Variants in PIK3CA observed in about 807,000 individuals in gnomAD.
The protein encoded by PIK3CA is phosphatidylinositol 4,5-bisphosphate 3-kinase catalytic subunit alpha isoform.
In PIK3CA, 27 loss-of-function variants were observed where a neutral mutation model predicts 138.2. The observed-to-expected ratio is 0.20, with a 90% CI of 0.14 to 0.27. PIK3CA has a LOEUF of 0.27. Among genes scored for constraint, PIK3CA ranks in the 10% least tolerant of loss-of-function variants. The pLI, the probability that PIK3CA is intolerant of heterozygous loss-of-function variation, is 1.00. For missense variants in PIK3CA, 544 were observed against 1,277.4 expected (o/e 0.43, Z 8.75); for synonymous variants, 358 against 413.2 (o/e 0.87, Z 1.62).
At chr3:179,164,067 ATGTT>A (rs1276540995) in intron 1 of PIK3CA, among the ~76,000 whole-genome samples, 1 of 152,228 alleles carries the variant, frequency 6.6e-6, no homozygotes, top group African/African-American at 2.4e-5. Context: ...GTCATAGAAA[ATGTT>A]TATGAAGAGT....
chr3:179,150,442 G>A (rs1476926926), intron 1 of PIK3CA, among the ~76,000 whole-genome samples: 6 of 152,158 alleles, frequency 3.9e-5, no homozygotes, highest in African/African-American at 4.8e-5. Flanking sequence ...ATTCCTGTCA[G>A]TTTTAAATAA....
In PIK3CA at chr3:179,230,429, G is replaced by C; in HGVS notation, c.2936+53G>C. 1 of 1,411,296 alleles carries C rather than the reference G, an allele frequency of 7.1e-7. No individual in the cohort carries two copies. Among genetic ancestry groups the C allele is most frequent in the Non-Finnish European group, 9.7e-7 (1 of 1,031,286 alleles). 87.4% of individuals were successfully genotyped at this position (1,411,296 alleles called of 1,614,324 possible). ...ATAAAGAGTTCTGGCTGCTCTATTA[G>C]AAACAATCAATATTTTTCAAGCAAT... is the stretch of plus-strand genomic sequence containing the variant. On this transcript the variant is annotated intron_variant, in intron 20 of 20. Coordinates refer to ENST00000263967, the MANE Select transcript of PIK3CA (RefSeq NM_006218.4). This position sits in a 1 kb window ranked among gnomAD's most constrained non-coding sequence, Gnocchi z 5.4.
rs1576943768 is a variant in PIK3CA, at chr3:179,221,079, T to C, written c.2109T>C (p.Asn703=). The part of the protein sequence containing the change: ...RACGMYLKHL[N]RQVEAMEKLI... ...GTGGGATGTATTTGAAGCACCTGAATAGGCAAGTCGAGGCAATGGAAAAGC... is the reference window on the plus strand; with the variant it reads ...GTGGGATGTATTTGAAGCACCTGAACAGGCAAGTCGAGGCAATGGAAAAGC... The change falls in exon 14 of 21, where the codon AAT becomes AAC. Residue 703 remains asparagine (N), a synonymous_variant. Transcript: ENST00000263967. 2 of 1,613,074 alleles carry C rather than the reference T, an allele frequency of 1.2e-6. No homozygotes were observed. Among genetic ancestry groups the C allele is most frequent in the Non-Finnish European group, 1.7e-6 (2 of 1,179,200 alleles).
At chr3:179,228,551 A>G (rs1398669122) in intron 17 of PIK3CA, among the ~76,000 whole-genome samples, 2 of 152,006 alleles carry the variant, frequency 1.3e-5, no homozygotes, top group African/African-American at 2.4e-5. Context: ...CTACCTACCT[A>G]TCTTTGTGAG....
chr3:179,207,266 G>A (rs1211372626), intron 6 of PIK3CA, among the ~76,000 whole-genome samples: 1 of 152,138 alleles, frequency 6.6e-6, no homozygotes. Context: ...CAAAATCAGA[G>A]TCAATTTGGA....
At chr3:179,218,695 C>T (rs372463918) in intron 10 of PIK3CA, among the ~76,000 whole-genome samples, 10 of 151,892 alleles carry the variant, frequency 6.6e-5, no homozygotes, top group South Asian at 4.2e-4. Flanking sequence ...TTTTTTCTTA[C>T]GTTTCTTCAA....
At chr3:179,171,664 A>G (rs529914795) in intron 1 of PIK3CA, among the ~76,000 whole-genome samples, 2 of 152,298 alleles carry the variant, frequency 1.3e-5, no homozygotes, top group East Asian at 3.9e-4. Context: ...TCTTTGAAAG[A>G]TACTAATTAC....
At chr3:179,148,309 C>A (rs1560118427), upstream of PIK3CA, 1 of 148,134 alleles carries the variant, frequency 6.8e-6, no homozygotes. Flanking sequence ...GGGGCGGGGG[C>A]GTGTGGCGGG....
At chr3:179,209,724 T>C (rs1724658575) in intron 7 of PIK3CA, 24 bp downstream of exon 7, 1 of 1,404,132 alleles carries the variant, frequency 7.1e-7, no homozygotes, top group Non-Finnish European at 1.0e-6. Context: ...GAAGGAACAA[T>C]TATGTTTACC....
Position 179,226,006 on chromosome 3 carries a change from G to T in PIK3CA, c.2461G>T (p.Glu821Ter). ...MLTLQIIRIM[E>*]NIWQNQGLDL... ...AACACTTCAAATTATTCGTATTATG[G>T]AAAATATCTGGCAAAATCAAGGTCT... Residue 821 changes from glutamate to a stop codon, truncating the protein, a stop_gained, in exon 17 of 21, where the codon GAA (glutamate) becomes TAA (stop). Coordinates refer to ENST00000263967, the MANE Select transcript of PIK3CA (RefSeq NM_006218.4). LOFTEE classifies it high-confidence loss of function. The T allele has an allele frequency of 6.3e-7, 1 of 1,599,864 alleles. No homozygotes were observed. Among genetic ancestry groups the T allele is most frequent in the Non-Finnish European group, 8.6e-7 (1 of 1,168,554 alleles).
At chr3:179,214,466 G>A (rs1048439204) in intron 9 of PIK3CA, among the ~76,000 whole-genome samples, 24 of 152,080 alleles carry the variant, frequency 1.6e-4, no homozygotes, top group African/African-American at 4.3e-4. Context: ...AACACTTATC[G>A]AATAAGTTCA....
At chr3:179,148,936 GCT>G (rs1311079062) in intron 1 of PIK3CA, among the ~76,000 whole-genome samples, 6 of 152,174 alleles carry the variant, frequency 3.9e-5, no homozygotes, top group Admixed American at 1.3e-4. Context: ...GGCCGCGGTG[GCT>G]CTGTCTCCCG....
At chr3:179,188,888 G>A (rs1212063706) in intron 1 of PIK3CA, among the ~76,000 whole-genome samples, 1 of 151,806 alleles carries the variant, frequency 6.6e-6, no homozygotes, top group Admixed American at 6.6e-5. Context: ...ACTTTAATTT[G>A]TCCTTTTGCA....
chr3:179,199,666 AT>A lies in PIK3CA; in HGVS notation c.353-22del, dbSNP rs1341157490. On this transcript the variant is annotated intron_variant, in intron 2 of 20. Coordinates refer to ENST00000263967, the MANE Select transcript of PIK3CA (RefSeq NM_006218.4). ...TGCTGTGTATGTAATAGAATGTTAT[AT>A]TCTTTATGTAATTTTATTAAAGGTT... The A allele has an allele frequency of 8.0e-6, 12 of 1,508,228 alleles. No homozygotes were observed. The Middle Eastern group carries it at 1.2e-3, about 151-fold the overall frequency. The allele number at this position is 1,508,228 out of a possible 1,614,324, so 93.4% of individuals were successfully genotyped here.
chr3:179,190,922 A>T lies in PIK3CA; in HGVS notation c.-76-7828A>T, dbSNP rs577528831. Among the ~76,000 whole-genome samples, 13 of 152,290 alleles carry T rather than the reference A, an allele frequency of 8.5e-5. No individual in the cohort carries two copies. In the East Asian group the frequency reaches 2.3e-3, roughly 27 times the overall value. On this transcript the variant is annotated intron_variant, in intron 1 of 20. Transcript: ENST00000263967. ...GGGGAAGAACTGTACTGTGAACGAA[A>T]ATTGTCTTGCTCTGCGGATAAAGTC...
intron 1 of PIK3CA, among the ~76,000 whole-genome samples, chr3:179,173,510 C>T (rs978854051): frequency 1.3e-5 from 2 of 149,138 alleles, no homozygotes; most frequent in Admixed American, 1.3e-4. Context: ...ATCCGGGAGG[C>T]GGAGCTTGCA....
intron 1 of PIK3CA, among the ~76,000 whole-genome samples, chr3:179,159,219 G>A (rs1045114771): frequency 2.0e-5 from 3 of 152,060 alleles, no homozygotes; most frequent in African/African-American, 7.2e-5. Flanking sequence ...ATATAATTTT[G>A]TCTCTTTTAG....
rs1466216065 is a variant in PIK3CA at position 179,201,886 on chromosome 3, G to A, written c.813+346G>A. On this transcript the variant is annotated intron_variant, in intron 4 of 20. Coordinates refer to ENST00000263967, the MANE Select transcript of PIK3CA (RefSeq NM_006218.4). Reference sequence around the variant, plus strand: ...TTCCCAAAGTGCTGGGATTACAGACGTGAGCCACCACGCCCAGCCAAGTAT... The same window carrying A: ...TTCCCAAAGTGCTGGGATTACAGACATGAGCCACCACGCCCAGCCAAGTAT... 2.6e-5 allele frequency among the ~76,000 whole-genome samples: 4 copies of A among 152,100 alleles called. No homozygotes were observed. The South Asian group carries it at 6.2e-4, about 24-fold the overall frequency.
chr3:179,188,079 G>A (rs1170482126), intron 1 of PIK3CA, among the ~76,000 whole-genome samples: 1 of 152,224 alleles, frequency 6.6e-6, no homozygotes, highest in African/African-American at 2.4e-5. Flanking sequence ...AATTCAGGAT[G>A]ATGGTGCACT....
Sources: allele counts gnomAD v4.1 joint callset (sites outside exome capture counted in the v4.1 genomes callset), GRCh38; gene constraint gnomAD v4.1.1; non-coding constraint Gnocchi (gnomAD v3.1); transcripts MANE v1.5; gene names NCBI Gene and HGNC (gene_info 2026-07-23, HGNC 2026-07-21).